The following RECQL5 variants were observed in gnomAD, a reference collection of about 807,000 sequenced individuals.
RECQL5 encodes the protein RecQ like helicase 5.
In RECQL5, 88 loss-of-function variants were observed where a neutral mutation model predicts 103.4. The ratio of observed to expected loss-of-function variants is 0.85; its 90% CI spans 0.72 to 1.02. The LOEUF (loss-of-function observed/expected upper bound fraction) is 1.02, where lower values mean the gene tolerates loss of function less well. RECQL5 is among the 50% of genes least tolerant of loss of function. The pLI is 0.00. For missense variants in RECQL5, 1,232 were observed against 1,284.3 expected (o/e 0.96, Z 0.62); for synonymous variants, 552 against 507.9 (o/e 1.09, Z -1.17).
intron 8 of RECQL5, among the ~76,000 whole-genome samples, chr17:75,632,191 C>T (rs1180272737): frequency 1.3e-5 from 2 of 152,368 alleles, no homozygotes; most frequent in East Asian, 3.8e-4. Flanking sequence ...GATTCTAACA[C>T]TGTATTTCTA....
At chr17:75,663,046 C>A in intron 3 of RECQL5, 49 bp from the exon 4 acceptor site, 1 of 1,524,428 alleles carries the variant, frequency 6.6e-7, no homozygotes, top group Non-Finnish European at 8.8e-7. Flanking sequence ...CTCAGGTAAA[C>A]ATCACTGCAA....
At chr17:75,644,974 T>G (rs531037215) in intron 8 of RECQL5, among the ~76,000 whole-genome samples, 1 of 152,352 alleles carries the variant, frequency 6.6e-6, no homozygotes, top group Admixed American at 6.5e-5. Context: ...ATACACCTTT[T>G]CCTTGGCCGG....
intron 2 of RECQL5, 31 bp from the exon 3 acceptor site, chr17:75,665,203 T>A (rs981186754): frequency 1.3e-6 from 2 of 1,590,138 alleles, no homozygotes; most frequent in Non-Finnish European, 8.6e-7. Flanking sequence ...AATATCTCAG[T>A]GCTTCCTGCC....
chr17:75,649,803 G>A (rs1366558861), intron 8 of RECQL5: 2 of 985,492 alleles, frequency 2.0e-6, no homozygotes, highest in Non-Finnish European at 2.4e-6. Flanking sequence ...CTGCTCAAGA[G>A]GCAGCGCAAC....
chr17:75,630,344 C>A, intron 13 of RECQL5, 67 bp from the exon 14 acceptor site: 4 of 1,393,046 alleles, frequency 2.9e-6, no homozygotes, highest in Non-Finnish European at 3.9e-6. Context: ...TGAGCTCTTG[C>A]GGGACTCCAG....
Position 75,650,699 on chromosome 17 carries a change from C to T in RECQL5, c.1229+487G>A, listed in dbSNP as rs758116665. 39 of 1,613,776 alleles carry T rather than the reference C, an allele frequency of 2.4e-5. No homozygotes were observed. The highest frequency in any genetic ancestry group is 2.8e-5 in the Non-Finnish European group (33 of 1,179,908). On this transcript the variant is annotated intron_variant, in intron 8 of 19. Transcript: ENST00000317905. ...CACCAAGCAGCCCTCAGACTCTTTC[C>T]GTGGCCCCTGCCCCATCGCCTGCAG...
intron 8 of RECQL5, chr17:75,650,978 G>A: frequency 6.7e-7 from 1 of 1,492,994 alleles, no homozygotes; most frequent in Non-Finnish European, 8.8e-7. Flanking sequence ...AGAATACTGA[G>A]CAAATCCCCA....
chr17:75,631,103 G>T lies in RECQL5; in HGVS notation c.1548+47C>A, dbSNP rs199532789. ...GAGAAGGGGCTGAGAGGTGCGAGCA[G>T]GGGGCCACCAGGGGCCCCACACAGG... is the stretch of plus-strand genomic sequence containing the variant. On this transcript the variant is annotated intron_variant, in intron 10 of 19. Transcript: ENST00000317905. 11 of 1,607,142 alleles carry T rather than the reference G, an allele frequency of 6.8e-6. No individual in the cohort carries two copies. In the Admixed American group the frequency reaches 1.5e-4, roughly 22 times the overall value.
At chr17:75,634,069 A>G in intron 8 of RECQL5, 3 of 985,644 alleles carry the variant, frequency 3.0e-6, no homozygotes, top group Non-Finnish European at 3.6e-6. Flanking sequence ...CAGAGACAGC[A>G]GCTGGCTGTC....
At chr17:75,664,563 T>C (rs1265578099) in intron 3 of RECQL5, among the ~76,000 whole-genome samples, 1 of 152,102 alleles carries the variant, frequency 6.6e-6, no homozygotes. Flanking sequence ...TGGAGAACAC[T>C]ACATTGGGGA....
At chr17:75,633,510 A>T (rs1473516468) in intron 8 of RECQL5, 5 of 1,288,320 alleles carry the variant, frequency 3.9e-6, no homozygotes, top group African/African-American at 1.5e-5. Context: ...CTCCCAGGTC[A>T]CTCAGGATTC....
Position 75,631,442 on chromosome 17 carries a change from C to A in RECQL5, c.1448+8G>T. ...GCGGGTTGGAGCCCTGGCTTCTCGG[C>A]CCCTTACCTGCTGAAGTCCCCGTAG... On this transcript the variant is annotated splice_region_variant and intron_variant, in intron 9 of 19. Coordinates refer to ENST00000317905, the MANE Select transcript of RECQL5 (RefSeq NM_004259.7). 6.2e-7 allele frequency: 1 copy of A among 1,605,060 alleles called. No homozygotes were observed.
At chr17:75,632,936 G>A (rs2059246076) in intron 8 of RECQL5, among the ~76,000 whole-genome samples, 1 of 152,224 alleles carries the variant, frequency 6.6e-6, no homozygotes, top group African/African-American at 2.4e-5. Flanking sequence ...GCGGCTGCAA[G>A]AAGCCCTTTG....
intron 5 of RECQL5, among the ~76,000 whole-genome samples, chr17:75,661,352 C>A (rs551461490): frequency 1.1e-3 from 175 of 152,340 alleles, no homozygotes; most frequent in African/African-American, 4.0e-3. Flanking sequence ...AACACCATTA[C>A]CTTGGCTTGT....
At chr17:75,656,891 C>T (rs548301139) in intron 7 of RECQL5, among the ~76,000 whole-genome samples, 1 of 152,080 alleles carries the variant, frequency 6.6e-6, no homozygotes, top group South Asian at 2.1e-4. Context: ...ACTACAGGCG[C>T]CCGCCACCAC....
At chr17:75,650,410 G>C (rs1599035514) in intron 8 of RECQL5, 3 of 1,288,262 alleles carry the variant, frequency 2.3e-6, no homozygotes, top group Non-Finnish European at 3.0e-6. Context: ...GATGGCCCAG[G>C]TGTATGCAAA....
At chr17:75,650,532 A>G (rs1275227167) in intron 8 of RECQL5, 27 of 1,471,036 alleles carry the variant, frequency 1.8e-5, no homozygotes, top group Non-Finnish European at 2.5e-5. Context: ...AGTCTGAAGC[A>G]ATCACGTCAG....
intron 8 of RECQL5, chr17:75,633,928 T>A: frequency 1.0e-6 from 1 of 986,582 alleles, no homozygotes; most frequent in Non-Finnish European, 1.2e-6. Context: ...AGCAGCGCTC[T>A]CAGGGCAGAG....
chr17:75,628,641 T>G (rs1194417719), intron 17 of RECQL5, 31 bp downstream of exon 17: 2 of 1,564,128 alleles, frequency 1.3e-6, no homozygotes, highest in Non-Finnish European at 1.7e-6. Flanking sequence ...AGCCCTTCTC[T>G]CCTCCCCAAC....
Sources: allele counts gnomAD v4.1 joint callset (sites outside exome capture counted in the v4.1 genomes callset), GRCh38; gene constraint gnomAD v4.1.1; transcripts MANE v1.5; gene names NCBI Gene and HGNC (gene_info 2026-07-23, HGNC 2026-07-21).